Variants in FIG4 observed in about 807,000 individuals in gnomAD.
The protein encoded by FIG4 is FIG4 phosphoinositide 5-phosphatase, also known as polyphosphoinositide phosphatase.
A neutral mutation model predicts 118.6 loss-of-function variants in FIG4; 112 were observed. That is an observed-to-expected ratio of 0.94 (90% CI 0.81 to 1.11). FIG4 has a LOEUF of 1.11. Among genes scored for constraint, FIG4 ranks in the 50% least tolerant of loss-of-function variants. The probability of loss-of-function intolerance (pLI) is 0.00; values close to 1 mark genes in which losing one functional copy is unlikely to be tolerated. For synonymous variants in FIG4, 369 were observed against 381.2 expected (o/e 0.97, Z 0.37); for missense variants, 969 against 1,111.7 (o/e 0.87, Z 1.83).
intron 18 of FIG4, 51 bp downstream of exon 18, chr6:109,786,500 C>T (rs1777962379): frequency 1.3e-6 from 2 of 1,595,870 alleles, no homozygotes; most frequent in African/African-American, 2.7e-5. Context: ...TGTAGTTTTC[C>T]TAGTTTGTAT....
chr6:109,770,500 TG>T (rs2128393431), intron 15 of FIG4, among the ~76,000 whole-genome samples: 1 of 152,272 alleles, frequency 6.6e-6, no homozygotes, highest in African/African-American at 2.4e-5. Context: ...TGTGTTAGGT[TG>T]TTTTTGCGTT....
intron 2 of FIG4, among the ~76,000 whole-genome samples, chr6:109,715,648 T>C (rs893134735): frequency 3.9e-5 from 6 of 152,172 alleles, no homozygotes; most frequent in African/African-American, 9.7e-5. Context: ...GCTGTTCTTA[T>C]CCAGAGTTAG....
chr6:109,756,432 G>A (rs1457758245), intron 10 of FIG4, among the ~76,000 whole-genome samples: 2 of 151,732 alleles, frequency 1.3e-5, no homozygotes, highest in East Asian at 1.9e-4. Flanking sequence ...TGCTCTTCTC[G>A]AGGAGTATCT....
At chr6:109,708,884 A>G (rs960621316) in intron 1 of FIG4, among the ~76,000 whole-genome samples, 2 of 152,104 alleles carry the variant, frequency 1.3e-5, no homozygotes, top group Non-Finnish European at 2.9e-5. Flanking sequence ...ATGTATCGTT[A>G]GTAAAAATTT....
chr6:109,722,901 C>G (rs1054747217), intron 3 of FIG4, among the ~76,000 whole-genome samples: 1 of 152,098 alleles, frequency 6.6e-6, no homozygotes, highest in Non-Finnish European at 1.5e-5. Flanking sequence ...TGGCCTACCC[C>G]TCATGAGCAG....
Position 109,817,401 on chromosome 6 carries a change from G to T in FIG4, c.2547-7687G>T, listed in dbSNP as rs1006924531. 3.7e-4 allele frequency among the ~76,000 whole-genome samples: 57 copies of T among 152,192 alleles called. 1 individual carries two copies. Among genetic ancestry groups the T allele is most frequent in the South Asian group, 4.1e-4 (2 of 4,834 alleles). ...TTCTTTTTATACTAAGGTAGACAAT[G>T]TGTCCAGCATATGGGAGGGAAATTG... is the stretch of plus-strand genomic sequence containing the variant. On this transcript the variant is annotated intron_variant, in intron 22 of 22. Coordinates refer to ENST00000230124, the MANE Select transcript of FIG4 (RefSeq NM_014845.6).
chr6:109,795,871 GATTAC>G (rs1300838137), intron 21 of FIG4, among the ~76,000 whole-genome samples: 1 of 152,154 alleles, frequency 6.6e-6, no homozygotes, highest in Non-Finnish European at 1.5e-5. Flanking sequence ...AAAGTGCTGG[GATTAC>G]AGGCATGAGC....
chr6:109,764,072 T>C (rs1777199986), intron 13 of FIG4, 90 bp downstream of exon 13: 2 of 807,510 alleles, frequency 2.5e-6, no homozygotes, highest in East Asian at 4.9e-5. Context: ...AAGACCTGTA[T>C]CTTATTTAAT....
chr6:109,726,082 G>A (rs541334570), intron 3 of FIG4, among the ~76,000 whole-genome samples: 185 of 152,034 alleles, frequency 1.2e-3, no homozygotes, highest in South Asian at 4.6e-3. Context: ...TTCTTTTACT[G>A]TGCAGAAGCT....
intron 22 of FIG4, among the ~76,000 whole-genome samples, chr6:109,813,260 C>T (rs530708184): frequency 2.0e-5 from 3 of 152,154 alleles, no homozygotes; most frequent in African/African-American, 7.2e-5. Context: ...TCCTCTCTCT[C>T]TCTACCACTT....
At chr6:109,807,538 T>C (rs1778600139) in intron 22 of FIG4, among the ~76,000 whole-genome samples, 1 of 152,186 alleles carries the variant, frequency 6.6e-6, no homozygotes, top group Non-Finnish European at 1.5e-5. Flanking sequence ...TTGCAAAACT[T>C]TTCTCCCATT....
intron 19 of FIG4, 72 bp downstream of exon 19, chr6:109,789,749 C>A: frequency 2.9e-6 from 3 of 1,031,798 alleles, no homozygotes; most frequent in Non-Finnish European, 4.6e-6. Context: ...TGATTTCCAC[C>A]AAAAACTAAT....
intron 15 of FIG4, among the ~76,000 whole-genome samples, chr6:109,772,844 G>C (rs995545504): frequency 1.3e-5 from 2 of 152,214 alleles, no homozygotes. Flanking sequence ...CTGAGGATCA[G>C]AAGTCTATGG....
chr6:109,743,245 A>G lies in FIG4; in HGVS notation c.1012A>G (p.Thr338Ala), dbSNP rs771265385. The G allele has an allele frequency of 1.4e-5, 22 of 1,612,922 alleles. No homozygotes were observed. The highest frequency in any genetic ancestry group is 1.9e-5 in the Non-Finnish European group (22 of 1,179,218). Reference sequence around the variant, plus strand: ...CTTATACTGGTCTCAGGACATTTCAACTATGATGCCTAAACCACCTATTAC... The same window carrying G: ...CTTATACTGGTCTCAGGACATTTCAGCTATGATGCCTAAACCACCTATTAC... ...VPLYWSQDIS[T>A]MMPKPPITLD... Residue 338 changes from threonine to alanine, a missense_variant, in exon 9 of 23, where the codon ACT becomes GCT. This residue lies in a region of FIG4 where 246 missense variants were observed against 354.3 expected (regional missense o/e 0.69). Coordinates refer to ENST00000230124, the MANE Select transcript of FIG4 (RefSeq NM_014845.6).
Position 109,796,749 on chromosome 6 carries a change from C to T in FIG4, c.2460-16C>T. The T allele has an allele frequency of 6.7e-7, 1 of 1,490,052 alleles. No homozygotes were observed. The highest frequency in any genetic ancestry group is 9.4e-7 in the Non-Finnish European group (1 of 1,066,802). 92.3% of individuals were successfully genotyped at this position (1,490,052 alleles called of 1,614,324 possible). On this transcript the variant is annotated splice_polypyrimidine_tract_variant and intron_variant, in intron 21 of 22. Coordinates refer to ENST00000230124, the MANE Select transcript of FIG4 (RefSeq NM_014845.6). ...ACTCCCTTCTTTAGCTGACTCTTAT[C>T]CATTGTAATTTGTAGATTTGTTCAG...
chr6:109,730,495 G>A (rs1775963732), intron 4 of FIG4, among the ~76,000 whole-genome samples: 1 of 152,190 alleles, frequency 6.6e-6, no homozygotes. Context: ...AAGGGATAAA[G>A]TCAACAAGAT....
At chr6:109,762,284 C>T in intron 12 of FIG4, 77 bp downstream of exon 12, 1 of 889,794 alleles carries the variant, frequency 1.1e-6, no homozygotes, top group South Asian at 1.3e-5. Flanking sequence ...GCAGTTTGTA[C>T]TACTTGGAAA....
intron 11 of FIG4, among the ~76,000 whole-genome samples, chr6:109,761,433 T>G (rs1777102014): frequency 6.6e-6 from 1 of 152,150 alleles, no homozygotes; most frequent in Non-Finnish European, 1.5e-5. Context: ...TTGCCCAGGC[T>G]GGAGTGCAGT....
In FIG4 at chr6:109,745,955, G is replaced by A. The variant is rs185583987; in HGVS notation, c.1137+2183G>A. On this transcript the variant is annotated intron_variant, in intron 10 of 22. Transcript: ENST00000230124. Reference sequence around the variant, plus strand: ...GCCCATGTAGCCAAGACAATCCTAAGCAAAAAGAACAAAACTGGAGGCATC... The same window carrying A: ...GCCCATGTAGCCAAGACAATCCTAAACAAAAAGAACAAAACTGGAGGCATC... Among the ~76,000 whole-genome samples the A allele has an allele frequency of 5.6e-3, 855 of 152,188 alleles. 8 individuals carry two copies. Among genetic ancestry groups the A allele is most frequent in the Non-Finnish European group, 7.7e-3 (525 of 68,010 alleles).
Sources: gnomAD v4.1 joint callset for allele counts (sites outside exome capture counted in the v4.1 genomes callset) on GRCh38, gnomAD v4.1.1 for gene constraint, gnomAD v4.1.1 regional missense constraint, MANE v1.5 for transcripts, NCBI Gene and HGNC (gene_info 2026-07-23, HGNC 2026-07-21) for gene names.